Variants in NAV1 observed in about 807,000 individuals in gnomAD.
NAV1 encodes the protein neuron navigator 1.
A neutral mutation model predicts 175.2 loss-of-function variants in NAV1; 18 were observed. That is an observed-to-expected ratio of 0.10 (90% CI 0.07 to 0.15). NAV1 has a LOEUF of 0.15. Among genes scored for constraint, NAV1 ranks in the 10% least tolerant of loss-of-function variants. NAV1 has a pLI of 1.00. For missense variants in NAV1, 1,731 were observed against 2,436.6 expected, an observed-to-expected ratio of 0.71 and a Z score of 6.10; for synonymous variants, 897 against 978.7, an observed-to-expected ratio of 0.92 and a Z score of 1.56.
chr1:201,680,606 C>T (rs761187016), intron 1 of NAV1, among the ~76,000 whole-genome samples: 3 of 152,160 alleles, frequency 2.0e-5, no homozygotes, highest in Non-Finnish European at 2.9e-5. Flanking sequence ...GAGGACAGCA[C>T]TAAGCCATTC....
intron 17 of NAV1, among the ~76,000 whole-genome samples, chr1:201,805,094 G>T (rs775295635): frequency 2.0e-5 from 3 of 152,142 alleles, no homozygotes; most frequent in Non-Finnish European, 4.4e-5. Context: ...GTCTTAAGAT[G>T]AACAGAAAAT....
At chr1:201,746,607 A>G (rs1360570250) in intron 3 of NAV1, among the ~76,000 whole-genome samples, 1 of 152,208 alleles carries the variant, frequency 6.6e-6, no homozygotes, top group Non-Finnish European at 1.5e-5. Flanking sequence ...AGCAAGTCAG[A>G]AATGTAAGGG....
rs373209136 is a variant in NAV1, at chr1:201,709,233, G to A, written c.758-3584G>A. ...AGCCCTAGATACCTTCACCCCATCC[G>A]GGATGCTCACCCTCACAGGAGATGG... On this transcript the variant is annotated intron_variant, in intron 1 of 29. Transcript: ENST00000367296. 7.9e-5 allele frequency among the ~76,000 whole-genome samples: 12 copies of A among 151,900 alleles called. No individual in the cohort carries two copies. In the East Asian group the frequency reaches 9.7e-4, roughly 12 times the overall value.
chr1:201,806,486 T>A (rs1483729852), intron 17 of NAV1, among the ~76,000 whole-genome samples: 1 of 152,158 alleles, frequency 6.6e-6, no homozygotes, highest in Non-Finnish European at 1.5e-5. Context: ...ATCTTATTGA[T>A]CTTAGGGGCA....
rs146291251 is a variant in NAV1, at chr1:201,805,386, G to T, written c.3648+889G>T. ...GGAAGACTTCTCAAAGGAGGTAAAAGTTAAACTGAGATGCAATTGTGATGG... is the reference window on the plus strand; with the variant it reads ...GGAAGACTTCTCAAAGGAGGTAAAATTTAAACTGAGATGCAATTGTGATGG... On this transcript the variant is annotated intron_variant, in intron 17 of 29. Coordinates refer to ENST00000367296, the Ensembl canonical transcript of NAV1. Among the ~76,000 whole-genome samples the T allele has an allele frequency of 4.9e-4, 75 of 152,286 alleles. 1 individual carries two copies. The East Asian group carries it at 0.013, about 27-fold the overall frequency.
intron 1 of NAV1, among the ~76,000 whole-genome samples, chr1:201,586,949 G>A (rs918604096): frequency 1.3e-5 from 2 of 152,198 alleles, no homozygotes; most frequent in African/African-American, 2.4e-5. Flanking sequence ...AGTAGCTCAC[G>A]CCTGTAACCC....
At chr1:201,604,559 A>G (rs1343093560) in intron 2 of NAV1, among the ~76,000 whole-genome samples, 1 of 151,892 alleles carries the variant, frequency 6.6e-6, no homozygotes, top group Non-Finnish European at 1.5e-5. Flanking sequence ...GCACGCACCT[A>G]TAATCCCAGC....
At chr1:201,703,126 G>T (rs1671511984) in intron 1 of NAV1, among the ~76,000 whole-genome samples, 2 of 152,180 alleles carry the variant, frequency 1.3e-5, no homozygotes, top group Admixed American at 6.5e-5. Context: ...GTAAACTGTT[G>T]CCATAACAAC....
chr1:201,687,655 A>G (rs776492935), intron 1 of NAV1, among the ~76,000 whole-genome samples: 69 of 152,232 alleles, frequency 4.5e-4, no homozygotes, highest in Non-Finnish European at 6.9e-4. Context: ...TGCATATTTC[A>G]TGGTAGAGCC....
chr1:201,609,010 G>A (rs1435109016), intron 2 of NAV1, among the ~76,000 whole-genome samples: 1 of 152,246 alleles, frequency 6.6e-6, no homozygotes, highest in African/African-American at 2.4e-5. Flanking sequence ...AATGGGACTG[G>A]AATGATCTTC....
At chr1:201,558,322 G>A (rs1191417244) in intron 1 of NAV1, among the ~76,000 whole-genome samples, 6 of 152,196 alleles carry the variant, frequency 3.9e-5, no homozygotes. Flanking sequence ...AGTAGGCAGT[G>A]ATTTTTCGGG....
Position 201,809,638 on chromosome 1 carries a change from C to T in NAV1, c.4401+101C>T, listed in dbSNP as rs536881187. On this transcript the variant is annotated intron_variant, in intron 22 of 29. Transcript: ENST00000367296. Reference sequence around the variant, plus strand: ...CACTCTTGCCACCCAGGCTGGAGGGCAGTGGCGTGATCACAGCTCACTGCA... The same window carrying T: ...CACTCTTGCCACCCAGGCTGGAGGGTAGTGGCGTGATCACAGCTCACTGCA... 2.4e-5 allele frequency: 27 copies of T among 1,115,872 alleles called. No homozygotes were observed. Among genetic ancestry groups the T allele is most frequent in the Non-Finnish European group, 3.0e-5 (23 of 759,274 alleles). 69.1% of individuals were successfully genotyped at this position (1,115,872 alleles called of 1,614,324 possible).
intron 15 of NAV1, among the ~76,000 whole-genome samples, chr1:201,799,773 T>C (rs1283311868): frequency 6.6e-6 from 1 of 151,818 alleles, no homozygotes; most frequent in Non-Finnish European, 1.5e-5. Flanking sequence ...GACAGGAGAA[T>C]TGCTTGAACC....
intron 1 of NAV1, among the ~76,000 whole-genome samples, chr1:201,674,496 T>G (rs1487736864): frequency 6.6e-6 from 1 of 152,158 alleles, no homozygotes; most frequent in Non-Finnish European, 1.5e-5. Flanking sequence ...TGTTAGGCCA[T>G]TCTTGCGTTG....
intron 3 of NAV1, among the ~76,000 whole-genome samples, chr1:201,728,673 C>T (rs111270551): frequency 0.027 from 4,107 of 151,934 alleles, 184 homozygotes; most frequent in African/African-American, 0.092. Flanking sequence ...GTTGCCCAGG[C>T]TGGTCTCAAA....
intron 1 of NAV1, among the ~76,000 whole-genome samples, chr1:201,666,431 G>T (rs1255542425): frequency 6.6e-6 from 1 of 152,216 alleles, no homozygotes; most frequent in Non-Finnish European, 1.5e-5. Context: ...AAGACAGATG[G>T]GGTGGGGGAT....
At chr1:201,737,349 A>T (rs1447721213) in intron 3 of NAV1, 1 of 152,258 alleles carries the variant, frequency 6.6e-6, no homozygotes, top group African/African-American at 2.4e-5. Flanking sequence ...AGAGGAACTT[A>T]TAGCAGGAAA....
At chr1:201,656,850 G>A (rs905569415) in intron 1 of NAV1, among the ~76,000 whole-genome samples, 7 of 152,224 alleles carry the variant, frequency 4.6e-5, no homozygotes, top group African/African-American at 1.4e-4. Context: ...GCCCGCTGGG[G>A]TTTGGACTCC....
At position 201,539,676 on chromosome 1, in the gene NAV1, A is replaced by C. The variant is rs897179677; in HGVS notation, c.-144+334A>C. The stretch of plus-strand genomic sequence containing the variant: ...TTGTTGTGAAATACCCACAATTTAA[A>C]GTGCGTTGAGATCTTATCATGAGAC... On this transcript the variant is annotated intron_variant, in intron 1 of 33. Coordinates refer to the NAV1 transcript ENST00000685211. This position sits in a 1 kb window ranked among gnomAD's most constrained non-coding sequence, Gnocchi z 5.6. 1.3e-5 allele frequency among the ~76,000 whole-genome samples: 2 copies of C among 152,140 alleles called. No individual in the cohort carries two copies. The highest frequency in any genetic ancestry group is 4.8e-5 in the African/African-American group (2 of 41,442).
Sources: gnomAD v4.1 joint callset for allele counts (sites outside exome capture counted in the v4.1 genomes callset) on GRCh38, gnomAD v4.1.1 for gene constraint, Gnocchi (gnomAD v3.1) non-coding constraint, MANE v1.5 for transcripts, NCBI Gene and HGNC (gene_info 2026-07-23, HGNC 2026-07-21) for gene names.